Variants in LLGL2 observed in about 807,000 individuals in gnomAD.
LLGL2 encodes LLGL scribble cell polarity complex component 2.
A neutral mutation model predicts 123.2 loss-of-function variants in LLGL2; 81 were observed. The ratio of observed to expected loss-of-function variants is 0.66; its 90% CI spans 0.55 to 0.79. The LOEUF is 0.79. Among genes scored for constraint, LLGL2 ranks in the 30% least tolerant of loss-of-function variants. LLGL2 has a pLI of 0.00. For synonymous variants in LLGL2, 577 were observed against 594.1 expected, an observed-to-expected ratio of 0.97 and a Z score of 0.42; for missense variants, 1,273 against 1,414.6, an observed-to-expected ratio of 0.90 and a Z score of 1.61.
At chr17:75,545,311 T>C (rs2054376722) in intron 2 of LLGL2, among the ~76,000 whole-genome samples, 1 of 152,172 alleles carries the variant, frequency 6.6e-6, no homozygotes, top group African/African-American at 2.4e-5. Flanking sequence ...TCCATTCATA[T>C]GCAAGAAGCA....
In LLGL2 at chr17:75,568,992, C is replaced by T. The variant is rs375281147; in HGVS notation, c.1337C>T (p.Thr446Met). ...TCTGCCCACAGGCACGAGGACGGCACGGTGCGGTTCTGGGATGCCTCGGGT... is the reference window on the plus strand; with the variant it reads ...TCTGCCCACAGGCACGAGGACGGCATGGTGCGGTTCTGGGATGCCTCGGGT... ...DLLLTGHEDG[T>M]VRFWDASGVC... Residue 446 changes from threonine (T) to methionine (M), a missense_variant, in exon 13 of 26, where the codon ACG becomes ATG. Coordinates refer to ENST00000392550, the MANE Select transcript of LLGL2 (RefSeq NM_001031803.2). 39 of 1,612,710 alleles carry T rather than the reference C, an allele frequency of 2.4e-5. No homozygotes were observed. The highest frequency in any genetic ancestry group is 8.3e-5 in the Admixed American group (5 of 59,952).
chr17:75,574,615 G>T lies in LLGL2; in HGVS notation c.3002G>T (p.Gly1001Val). The T allele has an allele frequency of 6.2e-7, 1 of 1,612,354 alleles. No individual in the cohort carries two copies. Among genetic ancestry groups the T allele is most frequent in the Non-Finnish European group, 8.5e-7 (1 of 1,179,616 alleles). Reference protein sequence around the residue: ...QSTLEGDRGSGNWRSHRAAVG... With the variant: ...QSTLEGDRGSVNWRSHRAAVG... ...CCCTGTCTTTGCCTGTGCAGGAGCG[G>T]CAACTGGCGTTCACATCGAGCCGCC... The change falls in exon 25 of 26, where the codon GGC (glycine) becomes GTC (valine). Residue 1001 changes from glycine (G) to valine (V), a missense_variant. Coordinates refer to ENST00000392550, the MANE Select transcript of LLGL2 (RefSeq NM_001031803.2).
At chr17:75,571,125 G>A in intron 17 of LLGL2, 25 bp downstream of exon 17, 2 of 1,581,374 alleles carry the variant, frequency 1.3e-6, no homozygotes, top group South Asian at 1.1e-5. Flanking sequence ...TGGGGTTGGG[G>A]GGCAGGGGGT....
intron 1 of LLGL2, among the ~76,000 whole-genome samples, chr17:75,529,884 A>T (rs532070651): frequency 1.9e-4 from 29 of 152,272 alleles, no homozygotes; most frequent in Admixed American, 3.9e-4. Context: ...AATAATTTTT[A>T]AAAAAAGATT....
At position 75,575,006 on chromosome 17, in the gene LLGL2, A is replaced by T; in HGVS notation, c.*128A>T. The T allele has an allele frequency of 7.5e-7, 1 of 1,336,430 alleles. No homozygotes were observed. The highest frequency in any genetic ancestry group is 1.1e-6 in the Non-Finnish European group (1 of 930,214). The allele number at this position is 1,336,430 out of a possible 1,614,324, so 82.8% of individuals were successfully genotyped here. A position where few individuals can be genotyped will look rare whatever the true frequency, so the allele number is the denominator to read the frequency against. ...GGGCTGGGGGCATCCCGGCTTCCAC[A>T]ATGCAGCTGCTCTGGGCCTCGGGAG... On this transcript the variant is annotated 3_prime_UTR_variant, in exon 26 of 26. Transcript: ENST00000392550.
Position 75,559,519 on chromosome 17 carries a change from C to A in LLGL2, c.530+109C>A. The stretch of plus-strand genomic sequence containing the variant: ...AGCTGTCATTTCTCTGCTGGGAATT[C>A]CATGGGGCTATAGCAGGGGAGGCTC... On this transcript the variant is annotated intron_variant, in intron 6 of 25. Coordinates refer to ENST00000392550, the MANE Select transcript of LLGL2 (RefSeq NM_001031803.2). The surrounding 1 kb of genome is among the most constrained non-coding windows in gnomAD (Gnocchi z 4.6). The A allele has an allele frequency of 7.3e-7, 1 of 1,378,768 alleles. No individual in the cohort carries two copies. The highest frequency in any genetic ancestry group is 1.4e-5 in the South Asian group (1 of 70,856). 85.4% of individuals were successfully genotyped at this position (1,378,768 alleles called of 1,614,324 possible).
chr17:75,542,648 CA>C (rs1237788859), intron 1 of LLGL2: 1 of 152,268 alleles, frequency 6.6e-6, no homozygotes, highest in Non-Finnish European at 1.5e-5. Context: ...GATTATTCTC[CA>C]CTAGGGCCCG....
chr17:75,533,041 C>A (rs181187825), intron 1 of LLGL2, among the ~76,000 whole-genome samples: 34 of 152,190 alleles, frequency 2.2e-4, no homozygotes, highest in African/African-American at 7.9e-4. Flanking sequence ...GCTCTGTCGC[C>A]CAGGCTGGAG....
rs1200740705 is a variant in LLGL2, at chr17:75,574,253, T to A, written c.2946T>A (p.Ser982Arg). Residue 982 changes from serine (S) to arginine (R), a missense_variant, in exon 23 of 26, where the codon AGT (serine) becomes AGA (arginine). Coordinates refer to ENST00000392550, the MANE Select transcript of LLGL2 (RefSeq NM_001031803.2). ...TGGTGATGGAGCGCGCTCTGCTCAGTGATGAGAGTGAGTTGGGTGGGAGAG... is the reference window on the plus strand; with the variant it reads ...TGGTGATGGAGCGCGCTCTGCTCAGAGATGAGAGTGAGTTGGGTGGGAGAG... Reference protein sequence around the residue: ...PGLVMERALLSDERVLKEIQS... With the variant: ...PGLVMERALLRDERVLKEIQS... 2 of 1,502,352 alleles carry A rather than the reference T, an allele frequency of 1.3e-6. No individual in the cohort carries two copies. The highest frequency in any genetic ancestry group is 2.4e-5 in the South Asian group (2 of 82,106). The allele number at this position is 1,502,352 out of a possible 1,614,324, so 93.1% of individuals were successfully genotyped here.
intron 6 of LLGL2, among the ~76,000 whole-genome samples, chr17:75,560,802 T>TAAAA (rs372940306): frequency 6.0e-4 from 58 of 96,080 alleles, no homozygotes; most frequent in Middle Eastern, 8.6e-3. Flanking sequence ...GTTTATTTAT[T>TAAAA]AAAAAAAAAA....
intron 1 of LLGL2, among the ~76,000 whole-genome samples, chr17:75,527,919 C>A (rs145998384): frequency 0.1 from 15,277 of 151,314 alleles, 1,073 homozygotes; most frequent in African/African-American, 0.19. Flanking sequence ...TTCTGAGTAG[C>A]TGGGACTACA....
chr17:75,550,129 A>T (rs1014886898), intron 2 of LLGL2, among the ~76,000 whole-genome samples: 4 of 152,214 alleles, frequency 2.6e-5, no homozygotes, highest in Non-Finnish European at 5.9e-5. Flanking sequence ...CTGAGGAGAG[A>T]TAGCTAGGGT....
chr17:75,535,120 G>A (rs911399477), intron 1 of LLGL2, among the ~76,000 whole-genome samples: 7 of 152,206 alleles, frequency 4.6e-5, no homozygotes, highest in Admixed American at 2.6e-4. Context: ...GGCTACAGGC[G>A]TCTGAGTTGG....
At chr17:75,568,076 G>T (rs1425045951) in intron 10 of LLGL2, 2 of 1,091,072 alleles carry the variant, frequency 1.8e-6, no homozygotes, top group Non-Finnish European at 2.2e-6. Context: ...CTAGCAACTG[G>T]TGTGCTGAAG....
At chr17:75,552,896 G>C (rs1270364570) in intron 2 of LLGL2, among the ~76,000 whole-genome samples, 1 of 152,198 alleles carries the variant, frequency 6.6e-6, no homozygotes, top group African/African-American at 2.4e-5. Flanking sequence ...CCTGCTCCTG[G>C]CCAGGCCATT....
chr17:75,549,416 G>A lies in LLGL2; in HGVS notation c.75+5915G>A, dbSNP rs947839426. ...AGGCTGCTGTGCTTGCCCGGCTGCC[G>A]CAGAAGCACCTGCCTGGGCCTTCCC... is the stretch of plus-strand genomic sequence containing the variant. On this transcript the variant is annotated intron_variant, in intron 2 of 25. Transcript: ENST00000392550. This position sits in a 1 kb window ranked among gnomAD's most constrained non-coding sequence, Gnocchi z 4.0. Among the ~76,000 whole-genome samples the A allele has an allele frequency of 1.3e-5, 2 of 152,316 alleles. No individual in the cohort carries two copies. Among genetic ancestry groups the A allele is most frequent in the East Asian group, 1.9e-4 (1 of 5,180 alleles).
At chr17:75,568,312 C>G (rs1176924474) in intron 10 of LLGL2, 164 bp from the exon 11 acceptor site, 1 of 1,439,320 alleles carries the variant, frequency 6.9e-7, no homozygotes, top group South Asian at 1.5e-5. Context: ...GGCTACTGCC[C>G]ACACCTGCTG....
chr17:75,531,697 C>T (rs959396033), intron 1 of LLGL2, among the ~76,000 whole-genome samples: 4 of 152,226 alleles, frequency 2.6e-5, no homozygotes, highest in African/African-American at 4.8e-5. Flanking sequence ...TGTTTGCCCT[C>T]CCCAGCCCTG....
At chr17:75,534,862 G>A (rs1199450727) in intron 1 of LLGL2, among the ~76,000 whole-genome samples, 1 of 152,240 alleles carries the variant, frequency 6.6e-6, no homozygotes, top group Non-Finnish European at 1.5e-5. Flanking sequence ...ATTAAATAAG[G>A]TGAATGTAAA....
Sources: gnomAD v4.1 joint callset for allele counts (sites outside exome capture counted in the v4.1 genomes callset) on GRCh38, gnomAD v4.1.1 for gene constraint, Gnocchi (gnomAD v3.1) non-coding constraint, MANE v1.5 for transcripts, NCBI Gene and HGNC (gene_info 2026-07-23, HGNC 2026-07-21) for gene names.